Variants in ZNF385B observed in about 807,000 individuals in gnomAD.
ZNF385B encodes zinc finger protein 385B, also known as zinc finger protein 533.
ZNF385B carries 23 observed loss-of-function variants against 39.2 expected under a neutral mutation model. The observed-to-expected ratio is 0.59, with a 90% CI of 0.42 to 0.83. ZNF385B has a LOEUF of 0.83. ZNF385B is among the 40% of genes least tolerant of loss of function. The pLI is 0.00. For synonymous variants in ZNF385B, 205 were observed against 222.6 expected (o/e 0.92, Z 0.70); for missense variants, 552 against 598.9 (o/e 0.92, Z 0.82).
At chr2:179,604,317 T>C (rs980327854) in intron 3 of ZNF385B, among the ~76,000 whole-genome samples, 7 of 152,020 alleles carry the variant, frequency 4.6e-5, no homozygotes, top group African/African-American at 1.7e-4. Context: ...ATTAAAAATT[T>C]AAGACATAAA....
At chr2:179,756,296 C>A (rs1360158805) in intron 3 of ZNF385B, among the ~76,000 whole-genome samples, 1 of 152,186 alleles carries the variant, frequency 6.6e-6, no homozygotes, top group Non-Finnish European at 1.5e-5. Flanking sequence ...TTAAGAATGT[C>A]AAATATTGGC....
chr2:179,499,965 C>A (rs746162497), intron 5 of ZNF385B, among the ~76,000 whole-genome samples: 195 of 151,948 alleles, frequency 1.3e-3, no homozygotes, highest in Non-Finnish European at 1.9e-3. Context: ...AATTAACATA[C>A]AAAAATCTGT....
chr2:179,585,598 A>T (rs1307880783), intron 3 of ZNF385B, among the ~76,000 whole-genome samples: 2 of 152,248 alleles, frequency 1.3e-5, no homozygotes, highest in Non-Finnish European at 2.9e-5. Flanking sequence ...ATTTCCATTA[A>T]GTGTGTTTAT....
intron 3 of ZNF385B, among the ~76,000 whole-genome samples, chr2:179,575,229 G>A (rs1163025725): frequency 1.3e-5 from 2 of 152,070 alleles, no homozygotes; most frequent in Non-Finnish European, 2.9e-5. Flanking sequence ...TCTGCGATAT[G>A]ACAATAAAAT....
At chr2:179,756,696 C>T (rs189248432) in intron 3 of ZNF385B, among the ~76,000 whole-genome samples, 1 of 152,220 alleles carries the variant, frequency 6.6e-6, no homozygotes, top group East Asian at 1.9e-4. Context: ...TCTTTTTTCT[C>T]TACACTTCTC....
chr2:179,830,661 G>C (rs550306386), intron 1 of ZNF385B, among the ~76,000 whole-genome samples: 23 of 152,296 alleles, frequency 1.5e-4, no homozygotes, highest in African/African-American at 5.5e-4. Context: ...TTCTGGAAAA[G>C]GCAAAACTAG....
intron 4 of ZNF385B, among the ~76,000 whole-genome samples, chr2:179,525,105 T>G (rs2058806125): frequency 6.6e-6 from 1 of 152,138 alleles, no homozygotes. Context: ...TAGGTCGGCA[T>G]TCAAACACAG....
At chr2:179,606,627 G>T (rs1688828215) in intron 3 of ZNF385B, among the ~76,000 whole-genome samples, 2 of 152,034 alleles carry the variant, frequency 1.3e-5, no homozygotes, top group African/African-American at 4.8e-5. Flanking sequence ...TGTCATTCTG[G>T]TTTTTCCTTA....
At chr2:179,779,069 T>C (rs182333760) in intron 1 of ZNF385B, among the ~76,000 whole-genome samples, 2 of 152,318 alleles carry the variant, frequency 1.3e-5, no homozygotes, top group African/African-American at 4.8e-5. Context: ...TTACCTACAA[T>C]TTCATCAATT....
At chr2:179,850,888 A>T (rs1379183028) in intron 1 of ZNF385B, among the ~76,000 whole-genome samples, 3 of 152,156 alleles carry the variant, frequency 2.0e-5, no homozygotes, top group African/African-American at 7.2e-5. Flanking sequence ...CCATGGAGGG[A>T]TCCTCAAATT....
At chr2:179,455,026 G>A (rs1439582711) in intron 6 of ZNF385B, among the ~76,000 whole-genome samples, 1 of 152,182 alleles carries the variant, frequency 6.6e-6, no homozygotes, top group East Asian at 1.9e-4. Context: ...GTATAGGAAT[G>A]TCCTGGGCCT....
intron 3 of ZNF385B, among the ~76,000 whole-genome samples, chr2:179,675,873 C>T (rs1035223678): frequency 2.6e-5 from 4 of 151,290 alleles, no homozygotes; most frequent in Admixed American, 6.6e-5. Context: ...TTGCAACCTC[C>T]GCCTCCTGGG....
At chr2:179,533,158 G>A (rs2059357480) in intron 4 of ZNF385B, among the ~76,000 whole-genome samples, 1 of 152,092 alleles carries the variant, frequency 6.6e-6, no homozygotes, top group African/African-American at 2.4e-5. Flanking sequence ...CCATTAAAGG[G>A]GCCAGGCCTG....
intron 3 of ZNF385B, among the ~76,000 whole-genome samples, chr2:179,727,813 T>G (rs1392046800): frequency 3.9e-5 from 6 of 152,112 alleles, no homozygotes; most frequent in Non-Finnish European, 8.8e-5. Context: ...AAGATTTATT[T>G]TGAACATTGA....
In ZNF385B at chr2:179,598,965, A is replaced by G. The variant is rs557297082; in HGVS notation, c.299-53996T>C. Among the ~76,000 whole-genome samples, 16 of 152,294 alleles carry G rather than the reference A, an allele frequency of 1.1e-4. No individual in the cohort carries two copies. In the East Asian group the frequency reaches 2.9e-3, roughly 27 times the overall value. On this transcript the variant is annotated intron_variant, in intron 3 of 9. Transcript: ENST00000410066. ...CAGATTTTTATATTAAGTGCTTTAG[A>G]TGTTTACAGTAAAAAGAAGAGAATG...
chr2:179,505,620 A>C (rs1246201978), intron 5 of ZNF385B, among the ~76,000 whole-genome samples: 1 of 152,176 alleles, frequency 6.6e-6, no homozygotes, highest in African/African-American at 2.4e-5. Context: ...GAGAACATTC[A>C]GTGAGAATTA....
chr2:179,529,313 G>C (rs1423893411), intron 4 of ZNF385B, among the ~76,000 whole-genome samples: 5 of 151,362 alleles, frequency 3.3e-5, no homozygotes, highest in Non-Finnish European at 5.9e-5. Context: ...GCTTTTCTTT[G>C]TTTGTTTCCA....
At chr2:179,781,793 A>G (rs893592501) in intron 1 of ZNF385B, among the ~76,000 whole-genome samples, 2 of 152,204 alleles carry the variant, frequency 1.3e-5, no homozygotes, top group African/African-American at 4.8e-5. Flanking sequence ...GATTCCATGA[A>G]CAAACCAATA....
intron 3 of ZNF385B, among the ~76,000 whole-genome samples, chr2:179,578,599 G>T (rs1686118453): frequency 6.6e-6 from 1 of 151,792 alleles, no homozygotes; most frequent in Non-Finnish European, 1.5e-5. Flanking sequence ...GAACCATTTT[G>T]GATCAACACA....
Sources: gnomAD v4.1 joint callset for allele counts (sites outside exome capture counted in the v4.1 genomes callset) on GRCh38, gnomAD v4.1.1 for gene constraint, MANE v1.5 for transcripts, NCBI Gene and HGNC (gene_info 2026-07-23, HGNC 2026-07-21) for gene names.